Variants in NFYC observed in about 807,000 individuals in gnomAD.
NFYC encodes the protein CAAT box DNA-binding protein subunit C.
Under a neutral mutation model 53.1 loss-of-function variants are expected in NFYC, and 25 were observed. The observed-to-expected ratio is 0.47, with a 90% CI of 0.34 to 0.66. NFYC has a LOEUF of 0.66. Among genes scored for constraint, NFYC ranks in the 30% least tolerant of loss-of-function variants. The pLI is 0.01. For synonymous variants in NFYC, 145 were observed against 152.6 expected (o/e 0.95, Z 0.37); for missense variants, 260 against 422.7 (o/e 0.62, Z 3.38).
chr1:40,739,300 C>T (rs200944665), intron 2 of NFYC, among the ~76,000 whole-genome samples: 1 of 152,134 alleles, frequency 6.6e-6, no homozygotes, highest in Non-Finnish European at 1.5e-5. Flanking sequence ...AGTGGCCCTA[C>T]GACATTTCTA....
At chr1:40,736,450 G>A (rs1301808566) in intron 1 of NFYC, among the ~76,000 whole-genome samples, 1 of 152,164 alleles carries the variant, frequency 6.6e-6, no homozygotes, top group African/African-American at 2.4e-5. Context: ...AACAAGTCTG[G>A]TCATGTGACA....
rs1034738618 is a variant in NFYC, at chr1:40,691,753, C to G, written c.-123C>G. The G allele has an allele frequency of 2.2e-6, 1 of 455,604 alleles. No homozygotes were observed. The highest frequency in any genetic ancestry group is 4.4e-6 in the Non-Finnish European group (1 of 226,470). The allele number at this position is 455,604 out of a possible 1,614,324, so 28.2% of individuals were successfully genotyped here. A position where few individuals can be genotyped will look rare whatever the true frequency, so the allele number is the denominator to read the frequency against. Reference sequence around the variant, plus strand: ...CTTGTGCCCCCGCTTCGCGCGCGCTCCGTTCTCCGTGACGCACACTTCCCC... The same window carrying G: ...CTTGTGCCCCCGCTTCGCGCGCGCTGCGTTCTCCGTGACGCACACTTCCCC... On this transcript the variant is annotated 5_prime_UTR_variant, in exon 1 of 10. Coordinates refer to ENST00000447388, the MANE Select transcript of NFYC (RefSeq NM_014223.5).
At chr1:40,763,257 T>C (rs1646647832) in intron 7 of NFYC, 1 of 462,274 alleles carries the variant, frequency 2.2e-6, no homozygotes, top group African/African-American at 2.0e-5. Flanking sequence ...TGTATATCTA[T>C]AGCTATATAT....
chr1:40,710,547 C>G (rs1229995063), intron 1 of NFYC, among the ~76,000 whole-genome samples: 4 of 152,066 alleles, frequency 2.6e-5, no homozygotes, highest in Non-Finnish European at 4.4e-5. Context: ...TTTTAAAATG[C>G]AATTCTTTGT....
rs766664529 is a variant in NFYC, at chr1:40,770,530, G to T, written c.889-179G>T. ...ACACACCCCCCCTCACACCGGGCTG[G>T]TGCCTCCTGTGTCTGCTGCTCCCAA... On this transcript the variant is annotated intron_variant, in intron 9 of 9. Coordinates refer to ENST00000447388, the MANE Select transcript of NFYC (RefSeq NM_014223.5). The surrounding 1 kb of genome is among the most constrained non-coding windows in gnomAD (Gnocchi z 5.3). The T allele has an allele frequency of 2.2e-5, 35 of 1,564,140 alleles. 1 individual carries two copies. Among genetic ancestry groups the T allele is most frequent in the African/African-American group, 5.5e-5 (4 of 73,368 alleles).
At chr1:40,760,652 GGAT>G (rs1421581844) in intron 6 of NFYC, among the ~76,000 whole-genome samples, 1 of 151,944 alleles carries the variant, frequency 6.6e-6, no homozygotes, top group Non-Finnish European at 1.5e-5. Flanking sequence ...CCTGGGAGGC[GGAT>G]GTTGCAGTAA....
chr1:40,761,815 GTCT>G (rs933552226), intron 6 of NFYC, among the ~76,000 whole-genome samples: 1 of 152,124 alleles, frequency 6.6e-6, no homozygotes, highest in African/African-American at 2.4e-5. Flanking sequence ...GAGTTCCATA[GTCT>G]TCTTATTGAG....
At chr1:40,750,499 A>G (rs1385049499) in intron 4 of NFYC, among the ~76,000 whole-genome samples, 1 of 152,188 alleles carries the variant, frequency 6.6e-6, no homozygotes. Context: ...ACAGACAAAA[A>G]TCCTTATCTG....
chr1:40,695,286 A>G (rs1445713379), intron 1 of NFYC, among the ~76,000 whole-genome samples: 1 of 152,212 alleles, frequency 6.6e-6, no homozygotes, highest in Non-Finnish European at 1.5e-5. Context: ...AAGATTTTAC[A>G]AGGCATTTTT....
At chr1:40,708,701 C>T (rs1643836851) in intron 1 of NFYC, among the ~76,000 whole-genome samples, 1 of 152,210 alleles carries the variant, frequency 6.6e-6, no homozygotes, top group Admixed American at 6.5e-5. Context: ...AACATAATGA[C>T]AGATGCCTTT....
intron 1 of NFYC, 32 bp from the exon 2 acceptor site, chr1:40,738,804 C>G (rs1645189058): frequency 6.7e-7 from 1 of 1,486,730 alleles, no homozygotes; most frequent in South Asian, 1.2e-5. Context: ...TTTATTGTTT[C>G]TAATGTGTCT....
At chr1:40,734,272 T>C (rs1042349706) in intron 1 of NFYC, among the ~76,000 whole-genome samples, 6 of 152,362 alleles carry the variant, frequency 3.9e-5, no homozygotes, top group Non-Finnish European at 7.3e-5. Context: ...GTAAATGGAC[T>C]ACTTCTGTAG....
At chr1:40,765,535 C>G (rs1393713497) in intron 7 of NFYC, among the ~76,000 whole-genome samples, 4 of 152,220 alleles carry the variant, frequency 2.6e-5, no homozygotes, top group East Asian at 1.9e-4. Flanking sequence ...GAAATTTGCT[C>G]CAGAGCAGAG....
rs569016908 is a variant in NFYC at position 40,691,878 on chromosome 1, G to A, written c.-9+11G>A. On this transcript the variant is annotated intron_variant, in intron 1 of 9. Transcript: ENST00000447388. ...GACTCCTGAGCAGAGGTGTGTGAGT[G>A]TGCGGGAGTTTCTGTGCGAGGGTGA... is the stretch of plus-strand genomic sequence containing the variant. The A allele has an allele frequency of 3.1e-5, 12 of 388,726 alleles. No individual in the cohort carries two copies. Among genetic ancestry groups the A allele is most frequent in the South Asian group, 1.9e-4 (11 of 58,092 alleles). The allele number at this position is 388,726 out of a possible 1,614,324, so 24.1% of individuals were successfully genotyped here. A position where few individuals can be genotyped will look rare whatever the true frequency, so the allele number is the denominator to read the frequency against.
intron 1 of NFYC, chr1:40,721,700 T>G (rs1644333305): frequency 6.6e-6 from 1 of 152,428 alleles, no homozygotes; most frequent in Non-Finnish European, 1.5e-5. Context: ...TAGCGGGAGC[T>G]ACAGGTGCGT....
intron 1 of NFYC, among the ~76,000 whole-genome samples, chr1:40,692,700 G>T (rs913230696): frequency 1.3e-5 from 2 of 152,126 alleles, no homozygotes; most frequent in African/African-American, 4.8e-5. Context: ...AGAGTCAACG[G>T]ACCTGGGATG....
intron 1 of NFYC, among the ~76,000 whole-genome samples, chr1:40,717,934 T>G (rs1644197527): frequency 1.3e-5 from 2 of 152,268 alleles, no homozygotes; most frequent in African/African-American, 4.8e-5. Context: ...TAGCCTCATC[T>G]GTAGGATTTA....
chr1:40,692,013 G>A, intron 1 of NFYC, 146 bp downstream of exon 1: 1 of 252,954 alleles, frequency 4.0e-6, no homozygotes, highest in South Asian at 2.9e-5. Context: ...CCGCCATGTT[G>A]TGCTCTTGCC....
chr1:40,769,446 G>T, intron 9 of NFYC, 31 bp downstream of exon 9: 1 of 1,607,836 alleles, frequency 6.2e-7, no homozygotes, highest in Non-Finnish European at 8.5e-7. Context: ...TGGGCAGAGG[G>T]TGAGGATTTG....
Sources: allele counts gnomAD v4.1 joint callset (sites outside exome capture counted in the v4.1 genomes callset), GRCh38; gene constraint gnomAD v4.1.1; non-coding constraint Gnocchi (gnomAD v3.1); transcripts MANE v1.5; gene names NCBI Gene and HGNC (gene_info 2026-07-23, HGNC 2026-07-21).